The following ROBO2 variants were observed in gnomAD, a reference collection of about 807,000 sequenced individuals.
The protein encoded by ROBO2 is roundabout guidance receptor 2.
In ROBO2, 53 loss-of-function variants were observed where a neutral mutation model predicts 160.8. That is an observed-to-expected ratio of 0.33 (90% CI 0.26 to 0.41). ROBO2 has a LOEUF of 0.41. Ranked by LOEUF, ROBO2 falls within the 10% of genes least tolerant of loss-of-function variation. ROBO2 has a pLI of 1.00. For missense variants in ROBO2, 1,577 were observed against 1,722.4 expected (o/e 0.92, Z 1.49); for synonymous variants, 664 against 611.7 (o/e 1.09, Z -1.26).
rs1004535192 is a variant in ROBO2 at position 76,353,307 on chromosome 3, A to G, written c.109+415705A>G. Among the ~76,000 whole-genome samples the G allele has an allele frequency of 3.9e-5, 6 of 152,120 alleles. No homozygotes were observed. In the East Asian group the frequency reaches 1.2e-3, roughly 29 times the overall value. On this transcript the variant is annotated intron_variant, in intron 2 of 26. Transcript: ENST00000487694. Reference sequence around the variant, plus strand: ...AATATGGTTTTGTGTAGGCATAAGAACAGTATTTTAAGTGCTAATCATAAG... The same window carrying G: ...AATATGGTTTTGTGTAGGCATAAGAGCAGTATTTTAAGTGCTAATCATAAG...
intron 2 of ROBO2, among the ~76,000 whole-genome samples, chr3:76,349,907 C>A (rs1254193837): frequency 6.6e-6 from 1 of 152,016 alleles, no homozygotes; most frequent in African/African-American, 2.4e-5. Flanking sequence ...GCATGCCCGC[C>A]CATTGCTCCA....
intron 2 of ROBO2, among the ~76,000 whole-genome samples, chr3:76,183,034 T>C (rs1298905686): frequency 6.6e-6 from 1 of 152,170 alleles, no homozygotes; most frequent in African/African-American, 2.4e-5. Flanking sequence ...TTTCAAGTGA[T>C]GTTAATTGCT....
intron 2 of ROBO2, among the ~76,000 whole-genome samples, chr3:77,106,545 G>T (rs74493549): frequency 2.0e-5 from 3 of 151,998 alleles, no homozygotes; most frequent in Non-Finnish European, 2.9e-5. Flanking sequence ...CTTAAGGAAG[G>T]TTACACTTCT....
chr3:77,240,164 C>T (rs370096941), intron 2 of ROBO2, among the ~76,000 whole-genome samples: 38 of 152,254 alleles, frequency 2.5e-4, no homozygotes, highest in East Asian at 2.3e-3. Flanking sequence ...CGGGGAGGCT[C>T]GGGCCACGCA....
chr3:77,461,811 C>G (rs2082273444), intron 2 of ROBO2, among the ~76,000 whole-genome samples: 1 of 151,730 alleles, frequency 6.6e-6, no homozygotes, highest in African/African-American at 2.4e-5. Context: ...CACTGCAATC[C>G]TCTCCTCCTG....
intron 2 of ROBO2, among the ~76,000 whole-genome samples, chr3:76,567,929 C>T (rs1241427878): frequency 1.3e-5 from 2 of 149,830 alleles, no homozygotes; most frequent in East Asian, 2.0e-4. Flanking sequence ...ATCCTCCCTC[C>T]TCAGCCTTCT....
chr3:77,480,317 G>T (rs2084536578), intron 3 of ROBO2, among the ~76,000 whole-genome samples: 1 of 147,842 alleles, frequency 6.8e-6, no homozygotes. Flanking sequence ...AAAAAAAACT[G>T]GAAAAGAAAC....
intron 2 of ROBO2, among the ~76,000 whole-genome samples, chr3:76,145,268 CATAAA>C (rs1358237441): frequency 4.6e-5 from 7 of 151,934 alleles, no homozygotes; most frequent in African/African-American, 1.7e-4. Context: ...GATAAATCTT[CATAAA>C]ATAAGTTTTA....
chr3:76,120,106 C>T (rs1044415249), intron 2 of ROBO2, among the ~76,000 whole-genome samples: 1 of 151,908 alleles, frequency 6.6e-6, no homozygotes, highest in East Asian at 1.9e-4. Flanking sequence ...AAGCCATTCT[C>T]CTGCTTCAGG....
chr3:77,105,043 T>G (rs991087152), intron 2 of ROBO2, among the ~76,000 whole-genome samples: 5 of 152,222 alleles, frequency 3.3e-5, no homozygotes, highest in Non-Finnish European at 5.9e-5. Context: ...GACGTTACCC[T>G]TCCTGAGAAT....
At chr3:77,201,082 A>G (rs1038114543) in intron 2 of ROBO2, among the ~76,000 whole-genome samples, 3 of 152,244 alleles carry the variant, frequency 2.0e-5, no homozygotes, top group Admixed American at 1.3e-4. Flanking sequence ...TAGTGAAGCT[A>G]TATGACTTCA....
intron 2 of ROBO2, among the ~76,000 whole-genome samples, chr3:76,069,807 T>C (rs1489094): frequency 0.98 from 149,379 of 152,210 alleles, 73,317 homozygotes; most frequent in Middle Eastern, 1. Flanking sequence ...TCAGGGACCC[T>C]GAACGAAGGG....
intron 2 of ROBO2, among the ~76,000 whole-genome samples, chr3:77,110,671 A>ATATATG (rs2073453189): frequency 6.7e-6 from 1 of 149,056 alleles, no homozygotes; most frequent in Non-Finnish European, 1.5e-5. Flanking sequence ...AAATATAAGT[A>ATATATG]TATATGTATA....
chr3:76,735,786 A>AGC (rs1553886640), intron 2 of ROBO2, among the ~76,000 whole-genome samples: 1 of 126,600 alleles, frequency 7.9e-6, no homozygotes, highest in African/African-American at 2.9e-5. Context: ...GAAAAAAAAA[A>AGC]GGGGAAAGGG....
intron 2 of ROBO2, among the ~76,000 whole-genome samples, chr3:76,858,251 A>C (rs995112814): frequency 6.6e-6 from 1 of 152,126 alleles, no homozygotes; most frequent in African/African-American, 2.4e-5. Context: ...CACAGTGCCA[A>C]CATAAAACAA....
chr3:76,391,683 G>A (rs1462876923), intron 2 of ROBO2, among the ~76,000 whole-genome samples: 1 of 151,988 alleles, frequency 6.6e-6, no homozygotes, highest in African/African-American at 2.4e-5. Context: ...AGCTAATTTT[G>A]TATTTTTAGT....
At chr3:76,967,511 C>CT (rs59372235) in intron 2 of ROBO2, among the ~76,000 whole-genome samples, 1,022 of 55,388 alleles carry the variant, frequency 0.018, 58 homozygotes, top group African/African-American at 0.044. Flanking sequence ...CTGGCCAGCT[C>CT]TTTTTTTTTT....
intron 2 of ROBO2, among the ~76,000 whole-genome samples, chr3:75,970,829 C>G (rs931607612): frequency 2.0e-5 from 3 of 151,008 alleles, no homozygotes; most frequent in African/African-American, 7.3e-5. Flanking sequence ...GACCAAAAGC[C>G]TGTCTTATAT....
At chr3:75,928,520 G>A (rs1158595815) in intron 1 of ROBO2, among the ~76,000 whole-genome samples, 1 of 152,156 alleles carries the variant, frequency 6.6e-6, no homozygotes, top group Non-Finnish European at 1.5e-5. Flanking sequence ...TCACAGGCAG[G>A]TTGTTTCCAT....
Sources: gnomAD v4.1 joint callset for allele counts (sites outside exome capture counted in the v4.1 genomes callset) on GRCh38, gnomAD v4.1.1 for gene constraint, MANE v1.5 for transcripts, NCBI Gene and HGNC (gene_info 2026-07-23, HGNC 2026-07-21) for gene names.